Variants in SCFD1 observed in about 807,000 individuals in gnomAD.
SCFD1 encodes the protein sec1 family domain-containing protein 1.
In SCFD1, 37 loss-of-function variants were observed where a neutral mutation model predicts 103.2. The ratio of observed to expected loss-of-function variants is 0.36; its 90% CI spans 0.28 to 0.47. SCFD1 has a LOEUF of 0.47. Among genes scored for constraint, SCFD1 ranks in the 20% least tolerant of loss-of-function variants. SCFD1 has a pLI of 1.00. For synonymous variants in SCFD1, 264 were observed against 245.0 expected (o/e 1.08, Z -0.73); for missense variants, 639 against 761.2 (o/e 0.84, Z 1.89).
At chr14:30,656,390 G>T (rs1388958862) in intron 10 of SCFD1, among the ~76,000 whole-genome samples, 1 of 152,144 alleles carries the variant, frequency 6.6e-6, no homozygotes. Flanking sequence ...TGTGGACCAG[G>T]ATTTCTCAAC....
chr14:30,630,809 T>C (rs1884030476), intron 3 of SCFD1: 1 of 396,974 alleles, frequency 2.5e-6, no homozygotes, highest in African/African-American at 2.1e-5. Flanking sequence ...GGAAAAGAAC[T>C]AGTAATCTTA....
intron 14 of SCFD1, among the ~76,000 whole-genome samples, chr14:30,684,717 A>G (rs1197263842): frequency 1.2e-5 from 1 of 86,602 alleles, no homozygotes; most frequent in African/African-American, 4.8e-5. Flanking sequence ...TTCCCCTTTT[A>G]CTCACTTATT....
At chr14:30,664,645 G>C (rs1344421160) in intron 10 of SCFD1, among the ~76,000 whole-genome samples, 1 of 151,972 alleles carries the variant, frequency 6.6e-6, no homozygotes, top group Non-Finnish European at 1.5e-5. Flanking sequence ...TAAAAACCTT[G>C]AAAAAAGATT....
chr14:30,695,176 T>G (rs922575453), intron 15 of SCFD1, among the ~76,000 whole-genome samples: 1 of 152,232 alleles, frequency 6.6e-6, no homozygotes, highest in South Asian at 2.1e-4. Context: ...AGGTATAACA[T>G]TCAAAGCAAG....
chr14:30,659,003 G>C (rs1594630518), intron 10 of SCFD1, among the ~76,000 whole-genome samples: 1 of 152,134 alleles, frequency 6.6e-6, no homozygotes, highest in Non-Finnish European at 1.5e-5. Context: ...AGGTCTGTAG[G>C]CTATGTAAAA....
At chr14:30,638,002 CT>C in intron 4 of SCFD1, 122 bp from the exon 5 acceptor site, 16 of 1,260,080 alleles carry the variant, frequency 1.3e-5, no homozygotes, top group Admixed American at 7.2e-5. Context: ...TCTTGGGATA[CT>C]TTTTTTGATT....
chr14:30,719,532 C>T (rs1892508562), intron 21 of SCFD1, among the ~76,000 whole-genome samples, 155 bp downstream of exon 21: 1 of 152,144 alleles, frequency 6.6e-6, no homozygotes, highest in Non-Finnish European at 1.5e-5. Context: ...AGAGATATCT[C>T]TAGTAATGAT....
chr14:30,735,290 CT>C (rs1374228380), intron 24 of SCFD1, among the ~76,000 whole-genome samples: 3 of 151,674 alleles, frequency 2.0e-5, no homozygotes, highest in Non-Finnish European at 4.4e-5. Flanking sequence ...ATTTTCTTTT[CT>C]TTTTCTTGGT....
chr14:30,729,875 T>C (rs1357857076), intron 23 of SCFD1, among the ~76,000 whole-genome samples: 1 of 152,054 alleles, frequency 6.6e-6, no homozygotes, highest in Admixed American at 6.5e-5. Flanking sequence ...AGGCATTTTT[T>C]TTTTTTAAGT....
rs188653481 is a variant in SCFD1 at position 30,732,925 on chromosome 14, T to C, written c.1837-1865T>C. 3.3e-3 allele frequency among the ~76,000 whole-genome samples: 496 copies of C among 152,192 alleles called. 2 individuals are homozygous for C. The highest frequency in any genetic ancestry group is 0.011 in the African/African-American group (477 of 41,498). ...CACAAGGTATTCTCTTGATGGAAGG[T>C]GATTGGTTAGAGAAAGAACTACACT... On this transcript the variant is annotated intron_variant, in intron 23 of 24. Coordinates refer to ENST00000458591, the MANE Select transcript of SCFD1 (RefSeq NM_016106.4).
intron 10 of SCFD1, 25 bp downstream of exon 10, chr14:30,653,613 T>C: frequency 6.9e-7 from 1 of 1,440,414 alleles, no homozygotes; most frequent in South Asian, 1.2e-5. Context: ...GCAGCACTTA[T>C]TACTGAAATA....
chr14:30,641,465 G>A (rs185774394), intron 6 of SCFD1, among the ~76,000 whole-genome samples: 1 of 152,230 alleles, frequency 6.6e-6, no homozygotes, highest in Non-Finnish European at 1.5e-5. Context: ...TCAAGGGCTG[G>A]ATGCTTCCAT....
At chr14:30,681,030 C>A (rs778255271) in intron 14 of SCFD1, among the ~76,000 whole-genome samples, 2 of 152,110 alleles carry the variant, frequency 1.3e-5, no homozygotes, top group African/African-American at 2.4e-5. Context: ...GCCAGGAGAC[C>A]GGCCTGGCCA....
chr14:30,700,941 A>G lies in SCFD1; in HGVS notation c.1410+683A>G, dbSNP rs114440950. Among the ~76,000 whole-genome samples, 541 of 152,380 alleles carry G rather than the reference A, an allele frequency of 3.6e-3. 4 individuals carry two copies. Among genetic ancestry groups the G allele is most frequent in the African/African-American group, 0.012 (517 of 41,594 alleles). ...TTGTTTTAAAACTAATGTCCAATGTAGAAAATACGTTGTCTATTCTGTAAA... is the reference window on the plus strand; with the variant it reads ...TTGTTTTAAAACTAATGTCCAATGTGGAAAATACGTTGTCTATTCTGTAAA... On this transcript the variant is annotated intron_variant, in intron 16 of 24. Coordinates refer to ENST00000458591, the MANE Select transcript of SCFD1 (RefSeq NM_016106.4).
chr14:30,632,046 G>GAAAAAAAAAAAAAAAAAAAA, intron 3 of SCFD1, among the ~76,000 whole-genome samples: 1 of 70,266 alleles, frequency 1.4e-5, no homozygotes, highest in Non-Finnish European at 2.6e-5. Flanking sequence ...AGATTCTGTT[G>GAAAAAAAAAAAAAAAAAAAA]AAAAAAAAAA....
chr14:30,650,570 A>G lies in SCFD1; in HGVS notation c.675A>G (p.Leu225=). 1 of 1,591,676 alleles carries G rather than the reference A, an allele frequency of 6.3e-7. No homozygotes were observed. Among genetic ancestry groups the G allele is most frequent in the Non-Finnish European group, 8.6e-7 (1 of 1,160,226 alleles). Residue 225 remains leucine (L), a synonymous_variant, in exon 9 of 25, where the codon CTA becomes CTG. Transcript: ENST00000458591. ...GTAAEMVAVK[L]DKKLRENLRD... is the part of the protein sequence containing the mutation. ...TCTAAAATTTTATTTTTCAGAAACT[A>G]GACAAGAAACTTCGAGAAAATCTAA... is the stretch of plus-strand genomic sequence containing the variant.
In SCFD1 at chr14:30,628,263, G is replaced by C; in HGVS notation, c.116G>C (p.Gly39Ala). The C allele has an allele frequency of 6.2e-7, 1 of 1,609,880 alleles. No individual in the cohort carries two copies. Among genetic ancestry groups the C allele is most frequent in the Non-Finnish European group, 8.5e-7 (1 of 1,176,558 alleles). ...GTGCCTCATATTAAAAACAGCACAG[G>C]AGAACCAGTATGGAAGGTAAGAGTT... ...FNVPHIKNSTGEPVWKVLIYD... is the reference protein window; with the variant it reads ...FNVPHIKNSTAEPVWKVLIYD... The change falls in exon 2 of 25, where the codon GGA (glycine) becomes GCA (alanine). Residue 39 changes from glycine (G) to alanine (A), a missense_variant. Gly to Ala is a moderately conservative substitution (Grantham distance 60). Coordinates refer to ENST00000458591, the MANE Select transcript of SCFD1 (RefSeq NM_016106.4).
rs1481973720 is a variant in SCFD1 at position 30,705,905 on chromosome 14, C to T, written c.1553+20C>T. ...AATGGGGTAAGTATTTTTAATAATT[C>T]TTTTGCATCTTTGTACTCAAAACCT... On this transcript the variant is annotated intron_variant, in intron 18 of 24. Coordinates refer to ENST00000458591, the MANE Select transcript of SCFD1 (RefSeq NM_016106.4). 2.5e-6 allele frequency: 4 copies of T among 1,592,362 alleles called. No individual in the cohort carries two copies. Among genetic ancestry groups the T allele is most frequent in the Non-Finnish European group, 3.4e-6 (4 of 1,161,496 alleles).
chr14:30,635,343 G>T (rs939897986), intron 4 of SCFD1, among the ~76,000 whole-genome samples: 4 of 152,026 alleles, frequency 2.6e-5, no homozygotes, highest in Non-Finnish European at 4.4e-5. Flanking sequence ...ACAGAGTTTT[G>T]CAACCATCAC....
Sources: gnomAD v4.1 joint callset for allele counts (sites outside exome capture counted in the v4.1 genomes callset) on GRCh38, gnomAD v4.1.1 for gene constraint, MANE v1.5 for transcripts, NCBI Gene and HGNC (gene_info 2026-07-23, HGNC 2026-07-21) for gene names.